The following ZNF438 variants were observed in gnomAD, a reference collection of about 807,000 sequenced individuals.
ZNF438 encodes the protein zinc finger protein 438.
In ZNF438, 25 loss-of-function variants were observed where a neutral mutation model predicts 38.0. The ratio of observed to expected loss-of-function variants is 0.66; its 90% CI spans 0.48 to 0.92. The LOEUF (loss-of-function observed/expected upper bound fraction) is 0.92, where lower values mean the gene tolerates loss of function less well. Among genes scored for constraint, ZNF438 ranks in the 40% least tolerant of loss-of-function variants. The probability of loss-of-function intolerance (pLI) is 0.00; values close to 1 mark genes in which losing one functional copy is unlikely to be tolerated. For missense variants in ZNF438, 1,007 were observed against 999.6 expected, an observed-to-expected ratio of 1.01 and a Z score of -0.10; for synonymous variants, 372 against 364.1, an observed-to-expected ratio of 1.02 and a Z score of -0.25.
intron 1 of ZNF438, among the ~76,000 whole-genome samples, chr10:30,950,653 A>G (rs530290245): frequency 6.7e-6 from 1 of 149,204 alleles, no homozygotes; most frequent in African/African-American, 2.5e-5. Context: ...TCTAGAAGAA[A>G]TGGATAAATT....
intron 4 of ZNF438, among the ~76,000 whole-genome samples, chr10:30,860,394 G>A (rs369557402): frequency 1.8e-4 from 27 of 152,280 alleles, no homozygotes; most frequent in Admixed American, 1.3e-3. Flanking sequence ...TCTGCATTCT[G>A]AAAGCTCTCG....
At chr10:30,964,560 T>C (rs1301241826) in intron 1 of ZNF438, among the ~76,000 whole-genome samples, 1 of 152,230 alleles carries the variant, frequency 6.6e-6, no homozygotes, top group African/African-American at 2.4e-5. Context: ...ATTTGTTGAC[T>C]GACGGACATT....
In ZNF438 at chr10:30,938,281, C is replaced by CT. The variant is rs879736192; in HGVS notation, c.-115+3293dup. ...CTGGAATATCATTTCCTCTATAGCT[C>CT]TTTTTTTTTTTTTTAGATGGAGTTT... On this transcript the variant is annotated intron_variant, in intron 2 of 5. Coordinates refer to ENST00000413025, the Ensembl canonical transcript of ZNF438. Among the ~76,000 whole-genome samples, 1,372 of 143,730 alleles carry CT rather than the reference C, an allele frequency of 9.5e-3. 4 individuals are homozygous for CT. The highest frequency in any genetic ancestry group is 0.016 in the African/African-American group (623 of 39,436). The allele number at this position is 143,730 out of a possible 152,430, so 94.3% of individuals were successfully genotyped here.
At chr10:30,897,377 T>G (rs2041476306) in intron 3 of ZNF438, among the ~76,000 whole-genome samples, 1 of 152,206 alleles carries the variant, frequency 6.6e-6, no homozygotes, top group African/African-American at 2.4e-5. Context: ...TCTGGTGAGT[T>G]TATTAGAAAG....
chr10:30,850,284 T>G (rs749529007), exon 5 of ZNF438: 1 of 1,614,182 alleles, frequency 6.2e-7, no homozygotes, highest in Non-Finnish European at 8.5e-7. Context: ...TTGGGCACAA[T>G]TTTTGGTGCA....
At chr10:30,936,385 G>A (rs2046257203) in intron 2 of ZNF438, among the ~76,000 whole-genome samples, 1 of 152,094 alleles carries the variant, frequency 6.6e-6, no homozygotes, top group African/African-American at 2.4e-5. Context: ...TATTAGAAAT[G>A]TAACTCAGCC....
At chr10:30,923,890 A>G (rs1177789204) in intron 2 of ZNF438, among the ~76,000 whole-genome samples, 2 of 152,190 alleles carry the variant, frequency 1.3e-5, no homozygotes, top group African/African-American at 2.4e-5. Context: ...ACAATCTCAA[A>G]ATCTGTTAGG....
intron 3 of ZNF438, among the ~76,000 whole-genome samples, chr10:30,887,578 C>T (rs1295481722): frequency 1.3e-5 from 2 of 152,006 alleles, no homozygotes; most frequent in East Asian, 1.9e-4. Flanking sequence ...TTAGTAGAGA[C>T]GGGGTTTCAC....
intron 4 of ZNF438, among the ~76,000 whole-genome samples, chr10:30,855,357 C>T (rs1465587943): frequency 6.6e-6 from 1 of 152,156 alleles, no homozygotes; most frequent in African/African-American, 2.4e-5. Context: ...GAAGTGGATG[C>T]TGGGGTTGAA....
At chr10:30,865,395 A>G (rs1422038256) in intron 4 of ZNF438, among the ~76,000 whole-genome samples, 1 of 152,252 alleles carries the variant, frequency 6.6e-6, no homozygotes, top group African/African-American at 2.4e-5. Context: ...CAATTACACA[A>G]TACATTTAAT....
At chr10:30,857,850 G>T in intron 4 of ZNF438, 1 of 985,496 alleles carries the variant, frequency 1.0e-6, no homozygotes, top group Non-Finnish European at 1.4e-6. Flanking sequence ...AGGTGCCAAT[G>T]TCTTACCCAG....
At chr10:31,029,475 T>C (rs1460721439) in intron 1 of ZNF438, among the ~76,000 whole-genome samples, 1 of 152,144 alleles carries the variant, frequency 6.6e-6, no homozygotes, top group Non-Finnish European at 1.5e-5. Flanking sequence ...ACTTCTCCCT[T>C]TTCTTCAAAT....
chr10:30,898,159 C>T (rs527930768), intron 3 of ZNF438, among the ~76,000 whole-genome samples: 1 of 152,158 alleles, frequency 6.6e-6, no homozygotes, highest in South Asian at 2.1e-4. Flanking sequence ...AGGGTGGTAG[C>T]CTCTGGAAAA....
chr10:30,930,371 A>G (rs2045511032), intron 2 of ZNF438, among the ~76,000 whole-genome samples: 1 of 152,042 alleles, frequency 6.6e-6, no homozygotes, highest in South Asian at 2.1e-4. Flanking sequence ...CCTGGAACTC[A>G]CACTGGCCTG....
At chr10:31,027,342 T>C (rs761628396) in intron 1 of ZNF438, among the ~76,000 whole-genome samples, 6 of 152,160 alleles carry the variant, frequency 3.9e-5, no homozygotes, top group Admixed American at 2.6e-4. Context: ...TCTTCATATA[T>C]ATAAAAGTAC....
At chr10:30,920,946 T>C (rs551885294) in intron 2 of ZNF438, 8 of 152,358 alleles carry the variant, frequency 5.3e-5, no homozygotes, top group Non-Finnish European at 1.0e-4. Context: ...AGGGGTGTTA[T>C]ATTTCACTTT....
At chr10:30,893,740 T>G (rs2040995565) in intron 3 of ZNF438, among the ~76,000 whole-genome samples, 2 of 152,294 alleles carry the variant, frequency 1.3e-5, no homozygotes, top group South Asian at 4.1e-4. Flanking sequence ...ATTTTAGATG[T>G]ACACTGCTCC....
At chr10:31,032,053 TGCCTGTGGGCTTCGCCGACCGGGGC>T (rs1181475023), upstream of ZNF438, 11 of 152,376 alleles carry the variant, frequency 7.2e-5, no homozygotes, top group East Asian at 2.1e-3. Flanking sequence ...TGCGCCCGCA[TGCCTGTGGGCTTCGCCGACCGGGGC>T]GCCTGCGGCG....
chr10:30,899,849 T>C (rs910856120), intron 3 of ZNF438, among the ~76,000 whole-genome samples: 4 of 152,228 alleles, frequency 2.6e-5, no homozygotes, highest in African/African-American at 9.6e-5. Flanking sequence ...TAGAAAATTA[T>C]CCTTTTGAAA....
Sources: allele counts gnomAD v4.1 joint callset (sites outside exome capture counted in the v4.1 genomes callset), GRCh38; gene constraint gnomAD v4.1.1; transcripts MANE v1.5; gene names NCBI Gene and HGNC (gene_info 2026-07-23, HGNC 2026-07-21).